Variants in ABCA2 observed in about 807,000 individuals in gnomAD.
ABCA2 encodes ATP-binding cassette sub-family A member 2.
Under a neutral mutation model 262.8 loss-of-function variants are expected in ABCA2, and 84 were observed. That is an observed-to-expected ratio of 0.32 (90% CI 0.27 to 0.38). The LOEUF is 0.38. ABCA2 is among the 10% of genes least tolerant of loss of function. The pLI is 1.00. For synonymous variants in ABCA2, 1,696 were observed against 1,502.9 expected (o/e 1.13, Z -2.97); for missense variants, 2,662 against 3,405.9 (o/e 0.78, Z 5.44).
In ABCA2 at chr9:137,010,076, C is replaced by A. The variant is rs985955422; in HGVS notation, c.6402G>T (p.Pro2134=). Residue 2134 remains proline (P), a synonymous_variant, in exon 42 of 49, where the codon CCG becomes CCT. Transcript: ENST00000341511. ...GCTCGTCGAACAGCGCGTCACACTGCGGGCAGTAGCCGAGGCTCTGCTGCA... is the reference window on the plus strand; with the variant it reads ...GCTCGTCGAACAGCGCGTCACACTGAGGGCAGTAGCCGAGGCTCTGCTGCA... ...LQVQQSLGYC[P]QCDALFDELT... is the part of the protein sequence containing the mutation. 3.8e-6 allele frequency: 6 copies of A among 1,599,500 alleles called. No individual in the cohort carries two copies. The highest frequency in any genetic ancestry group is 5.1e-6 in the Non-Finnish European group (6 of 1,177,188).
At chr9:137,013,363 C>A in intron 29 of ABCA2, 45 bp from the exon 30 acceptor site, 1 of 1,528,090 alleles carries the variant, frequency 6.5e-7, no homozygotes, top group South Asian at 1.2e-5. Context: ...GTCTCCGCCC[C>A]TCGCCAGCCC....
In ABCA2 at chr9:137,007,853, T is replaced by G. The variant is rs1381128530; in HGVS notation, c.*76A>C. On this transcript the variant is annotated 3_prime_UTR_variant, in exon 49 of 49. Transcript: ENST00000341511. ...GCCCTGGCAGGCACTGGGGGACTTC[T>G]GTCCCCATTGTTGAGTCCCTGGCCC... 5.7e-6 allele frequency: 9 copies of G among 1,572,012 alleles called. No individual in the cohort carries two copies. The highest frequency in any genetic ancestry group is 1.3e-5 in the African/African-American group (1 of 74,128).
chr9:137,010,759 T>G, intron 39 of ABCA2, 22 bp from the exon 40 acceptor site: 1 of 1,600,042 alleles, frequency 6.2e-7, no homozygotes, highest in Non-Finnish European at 8.6e-7. Context: ...GGGTGGACAG[T>G]GTCCAGCAGC....
At chr9:137,025,807 C>T (rs559064890) in intron 1 of ABCA2, among the ~76,000 whole-genome samples, 2 of 152,286 alleles carry the variant, frequency 1.3e-5, no homozygotes, top group East Asian at 1.9e-4. Context: ...GCTATAGCAA[C>T]GGCCTCGCAC....
At chr9:137,027,978 C>T in intron 1 of ABCA2, 97 bp downstream of exon 1, 6 of 649,674 alleles carry the variant, frequency 9.2e-6, no homozygotes, top group Non-Finnish European at 9.5e-6. Flanking sequence ...CCGGGGTCTG[C>T]GCGCGCCCGG....
rs4335222 is a variant in ABCA2 at position 137,007,529 on chromosome 9, C to A, written c.*400G>T. On this transcript the variant is annotated 3_prime_UTR_variant, in exon 49 of 49. Transcript: ENST00000341511. ...GGGACTGACCCAGCTCCGCCCACAGCCCGCTCTCGGCATCAGCCTTCATCG... is the reference window on the plus strand; with the variant it reads ...GGGACTGACCCAGCTCCGCCCACAGACCGCTCTCGGCATCAGCCTTCATCG... 9.0e-3 allele frequency: 2,460 copies of A among 273,308 alleles called. 21 individuals are homozygous for A. Among genetic ancestry groups the A allele is most frequent in the Non-Finnish European group, 0.013 (1,848 of 139,890 alleles). 16.9% of individuals were successfully genotyped at this position (273,308 alleles called of 1,614,324 possible). A position where few individuals can be genotyped will look rare whatever the true frequency, so the allele number is the denominator to read the frequency against.
At position 137,016,960 on chromosome 9, in the gene ABCA2, G is replaced by C. The variant is rs761594547; in HGVS notation, c.2718C>G (p.Val906=). The change falls in exon 19 of 49, where the codon GTC becomes GTG. Residue 906 remains valine, a synonymous_variant. Coordinates refer to ENST00000341511, the MANE Select transcript of ABCA2 (RefSeq NM_001606.5). ...CAATGTACCACGTGAGGATGCCATA[G>C]ACCACGGCGTCCACCATCAGCATGG... ...AVTMLMVDAV[V]YGILTWYIEA... is the part of the protein sequence containing the mutation. The C allele has an allele frequency of 1.2e-6, 2 of 1,612,608 alleles. No homozygotes were observed. Among genetic ancestry groups the C allele is most frequent in the African/African-American group, 1.3e-5 (1 of 74,924 alleles).
In ABCA2 at chr9:137,023,360, G is replaced by T. The variant is rs539512530; in HGVS notation, c.164-308C>A. The T allele has an allele frequency of 7.6e-5, 53 of 697,242 alleles. 1 individual carries two copies. In the South Asian group the frequency reaches 7.6e-4, roughly 10 times the overall value. 43.2% of individuals were successfully genotyped at this position (697,242 alleles called of 1,614,324 possible). A position where few individuals can be genotyped will look rare whatever the true frequency, so the allele number is the denominator to read the frequency against. On this transcript the variant is annotated intron_variant, in intron 3 of 48. Coordinates refer to ENST00000341511, the MANE Select transcript of ABCA2 (RefSeq NM_001606.5). ...CCACATGCCCTGGCACTCTCCCCCC[G>T]AAAACGTTTCAGGTGTGGCACTGCC...
At position 137,024,999 on chromosome 9, in the gene ABCA2, C is replaced by T. The variant is rs534565051; in HGVS notation, c.67-763G>A. Among the ~76,000 whole-genome samples, 212 of 152,266 alleles carry T rather than the reference C, an allele frequency of 1.4e-3. 2 individuals carry two copies. Among genetic ancestry groups the T allele is most frequent in the Admixed American group, 3.3e-3 (51 of 15,298 alleles). On this transcript the variant is annotated intron_variant, in intron 1 of 48. Coordinates refer to ENST00000341511, the MANE Select transcript of ABCA2 (RefSeq NM_001606.5). Reference sequence around the variant, plus strand: ...ATTTTTAGTAGAGACGGGGTTTCACCGTGTTAGCCAGGATGGTGTCGATCT... The same window carrying T: ...ATTTTTAGTAGAGACGGGGTTTCACTGTGTTAGCCAGGATGGTGTCGATCT...
At chr9:137,022,252 G>A (rs1305930389) in intron 6 of ABCA2, 99 bp downstream of exon 6, 2 of 1,457,668 alleles carry the variant, frequency 1.4e-6, no homozygotes, top group Non-Finnish European at 1.8e-6. Context: ...GACGGTCTGG[G>A]CGTGACTCAG....
At chr9:137,026,865 G>A (rs1352504896) in intron 1 of ABCA2, among the ~76,000 whole-genome samples, 1 of 152,208 alleles carries the variant, frequency 6.6e-6, no homozygotes, top group Non-Finnish European at 1.5e-5. Context: ...TCAATGCCAG[G>A]GGCTGCAGGC....
At position 137,010,834 on chromosome 9, in the gene ABCA2, G is replaced by A. The variant is rs1210528366; in HGVS notation, c.6057-97C>T. On this transcript the variant is annotated intron_variant, in intron 39 of 48. Coordinates refer to ENST00000341511, the MANE Select transcript of ABCA2 (RefSeq NM_001606.5). ...TCCTCTGGCTGTGGCATGTAAGAAGGGTGGGCAGGCCCCTCTGCTGTCCCC... is the reference window on the plus strand; with the variant it reads ...TCCTCTGGCTGTGGCATGTAAGAAGAGTGGGCAGGCCCCTCTGCTGTCCCC... 15 of 1,454,876 alleles carry A rather than the reference G, an allele frequency of 1.0e-5. No individual in the cohort carries two copies. The Admixed American group carries it at 2.3e-4, about 22-fold the overall frequency. The allele number at this position is 1,454,876 out of a possible 1,614,324, so 90.1% of individuals were successfully genotyped here. A position where few individuals can be genotyped will look rare whatever the true frequency, so the allele number is the denominator to read the frequency against.
upstream of ABCA2, chr9:137,028,386 C>T: frequency 4.8e-6 from 3 of 622,860 alleles, no homozygotes; most frequent in Non-Finnish European, 6.0e-6. The surrounding 1 kb of genome is among the most constrained non-coding windows in gnomAD (Gnocchi z 6.9). Flanking sequence ...CCGCCGCCCG[C>T]GCCGCGCCCG....
At position 137,020,887 on chromosome 9, in the gene ABCA2, CG is replaced by C; in HGVS notation, c.1071del (p.Gly358AspfsTer77). The C allele has an allele frequency of 6.5e-7, 1 of 1,549,854 alleles. No homozygotes were observed. On this transcript the variant is annotated frameshift_variant, in exon 9 of 49. Transcript: ENST00000341511. LOFTEE classifies it high-confidence loss of function. ...CCACCCGCACCACTGGCTGGGGGTC[CG>C]GGGGTCCGGCCAGTGCAGGCACCCT... ...LPQGACTGRTPGPPASGAGGA... is the reference protein window; with the variant it reads ...LPQGACTGRTXGPPASGAGGA...
intron 32 of ABCA2, 37 bp from the exon 33 acceptor site, chr9:137,012,413 C>A (rs1315028227): frequency 6.2e-7 from 1 of 1,605,638 alleles, no homozygotes; most frequent in South Asian, 1.1e-5. Flanking sequence ...GCCCCAGGAC[C>A]TCAGACCTGG....
intron 48 of ABCA2, chr9:137,008,180 T>A (rs1027155800): frequency 5.0e-6 from 4 of 800,096 alleles, no homozygotes; most frequent in Non-Finnish European, 4.1e-6. Context: ...CCGGCTCTGG[T>A]CCCCTCTGCC....
chr9:137,008,317 G>T (rs767022454), intron 48 of ABCA2, 99 bp downstream of exon 48: 119 of 1,374,312 alleles, frequency 8.7e-5, no homozygotes, highest in Non-Finnish European at 1.2e-4. Flanking sequence ...CAAGCATCCT[G>T]GGGCCAGTTC....
rs781630197 is a variant in ABCA2, at chr9:137,024,230, G to A, written c.73C>T (p.Leu25=). ...AGGGGGATGAAGATCTCGAAGGCCA[G>A]GACCCACTGGAAAGGGTGGGCCCAG... is the stretch of plus-strand genomic sequence containing the variant. ...VTLKRRSPWV[L]AFEIFIPLVL... is the part of the protein sequence containing the mutation. The change falls in exon 2 of 49, where the codon CTG becomes TTG. Residue 25 remains leucine (L), a synonymous_variant. Transcript: ENST00000341511. 7 of 1,609,710 alleles carry A rather than the reference G, an allele frequency of 4.3e-6. No homozygotes were observed. In the South Asian group the frequency reaches 6.6e-5, roughly 15 times the overall value.
At position 137,018,588 on chromosome 9, in the gene ABCA2, G is replaced by A. The variant is rs1588520663; in HGVS notation, c.1819+131C>T. The A allele has an allele frequency of 6.5e-5, 47 of 720,994 alleles. No homozygotes were observed. In the South Asian group the frequency reaches 7.9e-4, roughly 12 times the overall value. The allele number at this position is 720,994 out of a possible 1,614,324, so 44.7% of individuals were successfully genotyped here. A position where few individuals can be genotyped will look rare whatever the true frequency, so the allele number is the denominator to read the frequency against. On this transcript the variant is annotated intron_variant, in intron 13 of 48. Coordinates refer to ENST00000341511, the MANE Select transcript of ABCA2 (RefSeq NM_001606.5). ...GTTTGGAAGGGGCAGGGGTGGGGAGGGGAAGTGGCGGGTGAGGGGGGAAGG... is the reference window on the plus strand; with the variant it reads ...GTTTGGAAGGGGCAGGGGTGGGGAGAGGAAGTGGCGGGTGAGGGGGGAAGG...
Sources: allele counts gnomAD v4.1 joint callset (sites outside exome capture counted in the v4.1 genomes callset), GRCh38; gene constraint gnomAD v4.1.1; non-coding constraint Gnocchi (gnomAD v3.1); transcripts MANE v1.5; gene names NCBI Gene and HGNC (gene_info 2026-07-23, HGNC 2026-07-21).